CEP295: variants seen among roughly 807,000 people sequenced by gnomAD.
CEP295 encodes centrosomal protein of 295 kDa.
In CEP295, 190 loss-of-function variants were observed where a neutral mutation model predicts 291.6. The ratio of observed to expected loss-of-function variants is 0.65; its 90% CI spans 0.58 to 0.73. The LOEUF (loss-of-function observed/expected upper bound fraction) is 0.73. CEP295 is among the 30% of genes least tolerant of loss of function. The pLI, the probability that CEP295 is intolerant of heterozygous loss-of-function variation, is 0.00. For missense variants in CEP295, 2,863 were observed against 2,949.4 expected, an observed-to-expected ratio of 0.97 and a Z score of 0.68; for synonymous variants, 993 against 1,038.8, an observed-to-expected ratio of 0.96 and a Z score of 0.85.
chr11:93,706,654 C>A, intron 17 of CEP295, 91 bp from the exon 18 acceptor site: 1 of 1,110,920 alleles, frequency 9.0e-7, no homozygotes, highest in Non-Finnish European at 1.3e-6. Flanking sequence ...TCTTTAAGAG[C>A]TTAGATTTCT....
At chr11:93,675,913 T>C (rs563803988) in intron 6 of CEP295, among the ~76,000 whole-genome samples, 1 of 152,056 alleles carries the variant, frequency 6.6e-6, no homozygotes, top group Non-Finnish European at 1.5e-5. Context: ...GCTTTTTTTA[T>C]CATAAAATAT....
At chr11:93,667,428 A>C (rs1046268696) in intron 2 of CEP295, among the ~76,000 whole-genome samples, 179 bp from the exon 3 acceptor site, 4 of 152,180 alleles carry the variant, frequency 2.6e-5, no homozygotes, top group African/African-American at 9.6e-5. Context: ...TGAGATTTTT[A>C]CTTTTTGTAC....
At position 93,702,472 on chromosome 11, in the gene CEP295, A is replaced by G; in HGVS notation, c.5287A>G (p.Thr1763Ala). 6.5e-7 allele frequency: 1 copy of G among 1,533,250 alleles called. No homozygotes were observed. The highest frequency in any genetic ancestry group is 8.8e-7 in the Non-Finnish European group (1 of 1,140,596). The allele number at this position is 1,533,250 out of a possible 1,614,324, so 95.0% of individuals were successfully genotyped here. A position where few individuals can be genotyped will look rare whatever the true frequency, so the allele number is the denominator to read the frequency against. ...FFKDSQISKP[T>A]VENDLKTQKM... is the part of the protein sequence containing the mutation. ...TCCACTTTTTCAGATAAGTAAGCCC[A>G]CAGTTGAAAATGATTTAAAAACCCA... The change falls in exon 16 of 30, where the codon ACA (threonine) becomes GCA (alanine). Residue 1763 changes from threonine to alanine, a missense_variant. Thr to Ala is a moderately conservative substitution (Grantham distance 58). Coordinates refer to ENST00000325212, the MANE Select transcript of CEP295 (RefSeq NM_033395.2).
rs949717514 is a variant in CEP295, at chr11:93,699,789, TAAAC to T, written c.4885_4888del (p.Gln1629GlufsTer3). On this transcript the variant is annotated frameshift_variant, in exon 15 of 30. Coordinates refer to ENST00000325212, the MANE Select transcript of CEP295 (RefSeq NM_033395.2). LOFTEE classifies it high-confidence loss of function. ...GAGAAACCCCAGGAAGAACTGTCTT[TAAAC>T]AAACAAAGAAAGTTGAACAAAAGTG... 6.4e-6 allele frequency: 10 copies of T among 1,552,228 alleles called. No individual in the cohort carries two copies. The highest frequency in any genetic ancestry group is 1.7e-4 in the Middle Eastern group (1 of 5,998).
chr11:93,730,324 AATTATTT>A lies in CEP295; in HGVS notation c.*57_*63del. ...ATTGTGTATATGTAGCATTAGACAA[AATTATTT>A]AAAGTCAATAAATTGTTATTCGAGG... On this transcript the variant is annotated 3_prime_UTR_variant, in exon 30 of 30. Coordinates refer to ENST00000325212, the MANE Select transcript of CEP295 (RefSeq NM_033395.2). 1 of 1,211,890 alleles carries A rather than the reference AATTATTT, an allele frequency of 8.3e-7. No individual in the cohort carries two copies. Among genetic ancestry groups the A allele is most frequent in the Non-Finnish European group, 1.2e-6 (1 of 842,450 alleles). 75.1% of individuals were successfully genotyped at this position (1,211,890 alleles called of 1,614,324 possible). A position where few individuals can be genotyped will look rare whatever the true frequency, so the allele number is the denominator to read the frequency against.
At chr11:93,725,471 C>T (rs1954075401) in intron 22 of CEP295, among the ~76,000 whole-genome samples, 180 bp from the exon 23 acceptor site, 1 of 152,150 alleles carries the variant, frequency 6.6e-6, no homozygotes, top group Admixed American at 6.5e-5. Flanking sequence ...TTCCTGATGG[C>T]CTGACATTTT....
chr11:93,691,959 G>A lies in CEP295; in HGVS notation c.1462G>A (p.Ala488Thr). ...INETLPITTV[A>T]QSSVLLHPQE... ...TGAGACTCTGCCTATCACAACTGTA[G>A]CTCAGAGTTCAGTTCTACTTCATCC... The change falls in exon 12 of 30, where the codon GCT (alanine) becomes ACT (threonine). Residue 488 changes from alanine (A) to threonine (T), a missense_variant. Physicochemically the swap from Ala to Thr is moderately conservative, Grantham distance 58. Transcript: ENST00000325212. The A allele has an allele frequency of 6.5e-7, 1 of 1,546,284 alleles. No individual in the cohort carries two copies. Among genetic ancestry groups the A allele is most frequent in the Non-Finnish European group, 8.8e-7 (1 of 1,142,434 alleles).
chr11:93,699,871 T>C lies in CEP295; in HGVS notation c.4959T>C (p.His1653=). ...TGTTTCTACCCAAGGAAACAGAGCA[T>C]TCGTTTATTCCACTACCTTTTGCAG... is the stretch of plus-strand genomic sequence containing the variant. ...PSLFLPKETE[H]SFIPLPFAEA... Residue 1653 remains histidine, a synonymous_variant, in exon 15 of 30, where the codon CAT becomes CAC. Coordinates refer to ENST00000325212, the MANE Select transcript of CEP295 (RefSeq NM_033395.2). 6.4e-7 allele frequency: 1 copy of C among 1,552,074 alleles called. No homozygotes were observed. The highest frequency in any genetic ancestry group is 1.4e-5 in the African/African-American group (1 of 73,168).
At chr11:93,695,432 A>G in intron 12 of CEP295, 65 bp from the exon 13 acceptor site, 1 of 1,087,934 alleles carries the variant, frequency 9.2e-7, no homozygotes, top group Non-Finnish European at 1.2e-6. Context: ...TTTAAATGGA[A>G]CGTGTGTTAT....
Position 93,675,597 on chromosome 11 carries a change from A to C in CEP295, c.555A>C (p.Ala185=). 2 of 1,504,050 alleles carry C rather than the reference A, an allele frequency of 1.3e-6. No individual in the cohort carries two copies. The highest frequency in any genetic ancestry group is 1.8e-6 in the Non-Finnish European group (2 of 1,129,104). The allele number at this position is 1,504,050 out of a possible 1,614,324, so 93.2% of individuals were successfully genotyped here. A position where few individuals can be genotyped will look rare whatever the true frequency, so the allele number is the denominator to read the frequency against. ...FENIEVKRIS[A]VKTNSSTYHH... ...ACATCGAAGTAAAAAGAATTTCTGC[A>C]GTCAAAACCAATAGTTCTACCTACC... The change falls in exon 6 of 30, where the codon GCA becomes GCC. Residue 185 remains alanine (A), a synonymous_variant. Coordinates refer to ENST00000325212, the MANE Select transcript of CEP295 (RefSeq NM_033395.2).
chr11:93,702,469 C>T lies in CEP295; in HGVS notation c.5284C>T (p.Pro1762Ser). ...DFFKDSQISK[P>S]TVENDLKTQK... ...ATCTCCACTTTTTCAGATAAGTAAG[C>T]CCACAGTTGAAAATGATTTAAAAAC... The change falls in exon 16 of 30, where the codon CCC becomes TCC. Residue 1762 changes from proline to serine, a missense_variant. Around this residue, in one of 3 missense-constraint regions of CEP295, gnomAD observed 2,295 missense variants for 2,335.7 expected, o/e 0.98. Transcript: ENST00000325212. 6.5e-7 allele frequency: 1 copy of T among 1,530,914 alleles called. No homozygotes were observed. The highest frequency in any genetic ancestry group is 1.3e-5 in the South Asian group (1 of 79,546). The allele number at this position is 1,530,914 out of a possible 1,614,324, so 94.8% of individuals were successfully genotyped here. A position where few individuals can be genotyped will look rare whatever the true frequency, so the allele number is the denominator to read the frequency against.
At position 93,696,868 on chromosome 11, in the gene CEP295, G is replaced by T. The variant is rs1317408589; in HGVS notation, c.1956G>T (p.Lys652Asn). The change falls in exon 15 of 30, where the codon AAG (lysine) becomes AAT (asparagine). Residue 652 changes from lysine (K) to asparagine (N), a missense_variant. Transcript: ENST00000325212. ...SEHWDQGQRL[K>N]LSPNKYQPIQ... ...ATTGGGATCAAGGTCAGAGACTCAA[G>T]TTGAGTCCTAACAAATACCAACCCA... 1.9e-6 allele frequency: 3 copies of T among 1,551,736 alleles called. No individual in the cohort carries two copies. Among genetic ancestry groups the T allele is most frequent in the Non-Finnish European group, 2.6e-6 (3 of 1,146,924 alleles).
At chr11:93,674,398 C>G (rs1950591795) in intron 5 of CEP295, among the ~76,000 whole-genome samples, 1 of 152,148 alleles carries the variant, frequency 6.6e-6, no homozygotes, top group Non-Finnish European at 1.5e-5. Flanking sequence ...ACCTGTGTTG[C>G]ATTTGTGATG....
chr11:93,683,972 G>A lies in CEP295; in HGVS notation c.958G>A (p.Gly320Arg), dbSNP rs2134968686. ...DMYNADRKVK[G>R]NLILHLEPEP... Reference sequence around the variant, plus strand: ...TATTTTTCTTTTTTAAGAGGTGAAAGGGAATCTGATTCTGCACCTTGAACC... The same window carrying A: ...TATTTTTCTTTTTTAAGAGGTGAAAAGGAATCTGATTCTGCACCTTGAACC... Residue 320 changes from glycine to arginine, a missense_variant, in exon 9 of 30, where the codon GGG becomes AGG. Gly to Arg is a moderately radical substitution (Grantham distance 125). Transcript: ENST00000325212. 6.5e-7 allele frequency: 1 copy of A among 1,549,062 alleles called. No individual in the cohort carries two copies.
At chr11:93,666,571 G>A (rs567888360) in intron 1 of CEP295, 111 bp from the exon 2 acceptor site, 2 of 523,862 alleles carry the variant, frequency 3.8e-6, no homozygotes, top group African/African-American at 1.9e-5. Context: ...TCCAGCCTGG[G>A]TGACAGAGCA....
Position 93,699,494 on chromosome 11 carries a change from G to T in CEP295, c.4582G>T (p.Glu1528Ter). Residue 1528 changes from glutamate (E) to a stop codon, truncating the protein, a stop_gained, in exon 15 of 30, where the codon GAA becomes TAA. Transcript: ENST00000325212. LOFTEE classifies it high-confidence loss of function. ...TCGATCTATACAGGAAGTCCAAGAA[G>T]AATTGCTTTTGCAAAGATTAAGTGA... ...AIRSIQEVQE[E>*]LLLQRLSELE... 1 of 1,551,788 alleles carries T rather than the reference G, an allele frequency of 6.4e-7. No individual in the cohort carries two copies. The highest frequency in any genetic ancestry group is 2.4e-5 in the East Asian group (1 of 40,914).
chr11:93,698,057 C>T lies in CEP295; in HGVS notation c.3145C>T (p.Gln1049Ter). Residue 1049 changes from glutamine to a stop codon, truncating the protein, a stop_gained, in exon 15 of 30, where the codon CAG becomes TAG. Coordinates refer to ENST00000325212, the MANE Select transcript of CEP295 (RefSeq NM_033395.2). LOFTEE classifies it high-confidence loss of function. ...SQDGSLSFLQQFLPLHDSLKL... is the reference protein window; with the variant it reads ...SQDGSLSFLQ ...GGATGGGTCTTTGAGTTTCCTACAG[C>T]AGTTCCTACCTCTACATGATAGTTT... is the stretch of plus-strand genomic sequence containing the variant. 6.4e-7 allele frequency: 1 copy of T among 1,551,894 alleles called. No homozygotes were observed. The highest frequency in any genetic ancestry group is 1.2e-5 in the South Asian group (1 of 84,060).
chr11:93,662,544 G>T (rs1950036768), intron 1 of CEP295, among the ~76,000 whole-genome samples: 1 of 152,140 alleles, frequency 6.6e-6, no homozygotes, highest in African/African-American at 2.4e-5. Flanking sequence ...TTCAATATTG[G>T]ATAGTAATAA....
intron 9 of CEP295, among the ~76,000 whole-genome samples, chr11:93,686,444 T>C (rs777915292): frequency 7.2e-5 from 11 of 152,210 alleles, no homozygotes; most frequent in Non-Finnish European, 8.8e-5. Context: ...ACACTTTAGC[T>C]CCTGCTGATC....
Sources: gnomAD v4.1 joint callset for allele counts (sites outside exome capture counted in the v4.1 genomes callset) on GRCh38, gnomAD v4.1.1 for gene constraint, gnomAD v4.1.1 regional missense constraint, MANE v1.5 for transcripts, NCBI Gene and HGNC (gene_info 2026-07-23, HGNC 2026-07-21) for gene names.